Variants in NKAIN2 observed in about 807,000 individuals in gnomAD.
The protein encoded by NKAIN2 is sodium/potassium-transporting ATPase subunit beta-1-interacting protein 2.
In NKAIN2, 14 loss-of-function variants were observed where a neutral mutation model predicts 32.6. The ratio of observed to expected loss-of-function variants is 0.43; its 90% CI spans 0.28 to 0.67. The LOEUF (loss-of-function observed/expected upper bound fraction) is 0.67. Among genes scored for constraint, NKAIN2 ranks in the 30% least tolerant of loss-of-function variants. The probability of loss-of-function intolerance (pLI) is 0.17; values close to 1 mark genes in which losing one functional copy is unlikely to be tolerated. For synonymous variants in NKAIN2, 80 were observed against 87.2 expected, an observed-to-expected ratio of 0.92 and a Z score of 0.46; for missense variants, 198 against 258.3, an observed-to-expected ratio of 0.77 and a Z score of 1.60.
At chr6:124,324,909 A>G (rs2115034578) in intron 2 of NKAIN2, among the ~76,000 whole-genome samples, 1 of 152,172 alleles carries the variant, frequency 6.6e-6, no homozygotes, top group South Asian at 2.1e-4. Flanking sequence ...GTCATAGTGT[A>G]TTTAATATGT....
intron 1 of NKAIN2, among the ~76,000 whole-genome samples, chr6:124,155,938 G>A (rs1206261023): frequency 6.7e-6 from 1 of 150,002 alleles, no homozygotes; most frequent in Non-Finnish European, 1.5e-5. Context: ...GCCCAGAGAT[G>A]CAAATGCTGG....
chr6:124,534,438 A>G (rs1178608718), intron 3 of NKAIN2, among the ~76,000 whole-genome samples: 1 of 152,228 alleles, frequency 6.6e-6, no homozygotes, highest in Admixed American at 6.5e-5. Flanking sequence ...GGTGTGAGCC[A>G]CCATGCCAAG....
chr6:124,537,688 C>T (rs1779767246), intron 3 of NKAIN2, among the ~76,000 whole-genome samples: 2 of 152,116 alleles, frequency 1.3e-5, no homozygotes, highest in Non-Finnish European at 2.9e-5. Context: ...CTGGATTCTG[C>T]TTCCCTTTCA....
intron 1 of NKAIN2, among the ~76,000 whole-genome samples, chr6:124,100,178 C>T (rs1048504281): frequency 1.3e-5 from 2 of 152,132 alleles, no homozygotes; most frequent in Non-Finnish European, 2.9e-5. Context: ...ATTTCCTGAT[C>T]CTTGAGACAC....
At chr6:124,425,448 G>A (rs1018819661) in intron 3 of NKAIN2, among the ~76,000 whole-genome samples, 1 of 151,996 alleles carries the variant, frequency 6.6e-6, no homozygotes, top group African/African-American at 2.4e-5. Context: ...AAATAAATAA[G>A]TAGGGCTACA....
Position 124,458,677 on chromosome 6 carries a change from A to G in NKAIN2, c.273+103330A>G, listed in dbSNP as rs1776413648. Among the ~76,000 whole-genome samples, 8 of 151,906 alleles carry G rather than the reference A, an allele frequency of 5.3e-5. No individual in the cohort carries two copies. The Admixed American group carries it at 5.3e-4, about 10-fold the overall frequency. On this transcript the variant is annotated intron_variant, in intron 3 of 6. Coordinates refer to ENST00000368417, the MANE Select transcript of NKAIN2 (RefSeq NM_001040214.3). ...GTTGTCAGGTAACATGAGCAGAATT[A>G]TAGGACTGTATTATTTTGAGGCGAT...
intron 3 of NKAIN2, among the ~76,000 whole-genome samples, chr6:124,436,975 AC>A (rs1775474874): frequency 6.6e-6 from 1 of 151,358 alleles, no homozygotes; most frequent in East Asian, 1.9e-4. Context: ...GGCTTTCTAC[AC>A]TCCAGGCCCA....
chr6:123,864,221 T>C (rs1406442887), intron 1 of NKAIN2, among the ~76,000 whole-genome samples: 1 of 152,226 alleles, frequency 6.6e-6, no homozygotes, highest in East Asian at 1.9e-4. Flanking sequence ...GTAGTTAGAC[T>C]GAAATTGATT....
chr6:124,545,590 A>G (rs1186732810), intron 3 of NKAIN2, among the ~76,000 whole-genome samples: 1 of 151,696 alleles, frequency 6.6e-6, no homozygotes, highest in African/African-American at 2.4e-5. Context: ...CTTTTTCTCC[A>G]TTTTCCAAGT....
chr6:124,382,481 A>G (rs1251919991), intron 3 of NKAIN2, among the ~76,000 whole-genome samples: 1 of 152,146 alleles, frequency 6.6e-6, no homozygotes, highest in Non-Finnish European at 1.5e-5. Flanking sequence ...TTGATCTTGA[A>G]GATATTCTAT....
intron 1 of NKAIN2, among the ~76,000 whole-genome samples, chr6:124,207,893 T>C (rs1274565612): frequency 1.3e-5 from 2 of 151,948 alleles, no homozygotes; most frequent in East Asian, 3.9e-4. Flanking sequence ...TTAATTTTGC[T>C]AAATAATACA....
intron 3 of NKAIN2, among the ~76,000 whole-genome samples, chr6:124,511,964 C>T (rs1449431909): frequency 6.6e-6 from 1 of 152,182 alleles, no homozygotes; most frequent in East Asian, 1.9e-4. Context: ...ATTTATAAAA[C>T]TATTCATAAA....
intron 1 of NKAIN2, among the ~76,000 whole-genome samples, chr6:123,957,143 A>G (rs1777630237): frequency 6.6e-6 from 1 of 152,168 alleles, no homozygotes; most frequent in Non-Finnish European, 1.5e-5. Context: ...TCATCATAAA[A>G]TCAATCATTT....
intron 1 of NKAIN2, among the ~76,000 whole-genome samples, chr6:123,946,821 G>A (rs1162511464): frequency 1.3e-5 from 2 of 152,160 alleles, no homozygotes; most frequent in Non-Finnish European, 2.9e-5. Context: ...CCAAAAGAGA[G>A]TTCTCTGCCA....
intron 4 of NKAIN2, among the ~76,000 whole-genome samples, chr6:124,731,575 G>A (rs1776674961): frequency 8.8e-6 from 1 of 113,326 alleles, no homozygotes; most frequent in African/African-American, 3.4e-5. Flanking sequence ...GGGGGGAGGG[G>A]GGAGGGATAG....
At chr6:124,455,155 A>G (rs1013653193) in intron 3 of NKAIN2, among the ~76,000 whole-genome samples, 2 of 152,090 alleles carry the variant, frequency 1.3e-5, no homozygotes, top group African/African-American at 4.8e-5. Context: ...AAACATGTGC[A>G]TACAATATTC....
intron 1 of NKAIN2, among the ~76,000 whole-genome samples, chr6:124,166,669 T>C (rs1378876818): frequency 3.3e-5 from 5 of 152,018 alleles, no homozygotes; most frequent in Non-Finnish European, 7.4e-5. Flanking sequence ...TTTAAGTCTT[T>C]AATCCATCTT....
At chr6:123,960,064 G>T (rs1777776985) in intron 1 of NKAIN2, among the ~76,000 whole-genome samples, 1 of 151,778 alleles carries the variant, frequency 6.6e-6, no homozygotes, top group Non-Finnish European at 1.5e-5. Context: ...CAGCTGATTT[G>T]TCATGTGGGT....
chr6:124,445,765 A>C (rs1375479632), intron 3 of NKAIN2, among the ~76,000 whole-genome samples: 1 of 103,328 alleles, frequency 9.7e-6, no homozygotes, highest in African/African-American at 2.7e-5. Flanking sequence ...AAAAAACAAA[A>C]ATGAAAACGA....
Sources: allele counts gnomAD v4.1 joint callset (sites outside exome capture counted in the v4.1 genomes callset), GRCh38; gene constraint gnomAD v4.1.1; transcripts MANE v1.5; gene names NCBI Gene and HGNC (gene_info 2026-07-23, HGNC 2026-07-21).